INSR: variants seen among roughly 807,000 people sequenced by gnomAD.
INSR encodes the protein IR.
A neutral mutation model predicts 142.6 loss-of-function variants in INSR; 67 were observed. That is an observed-to-expected ratio of 0.47 (90% CI 0.39 to 0.58). The LOEUF (loss-of-function observed/expected upper bound fraction) is 0.58. Among genes scored for constraint, INSR ranks in the 20% least tolerant of loss-of-function variants. The pLI, the probability that INSR is intolerant of heterozygous loss-of-function variation, is 0.00. For synonymous variants in INSR, 756 were observed against 743.1 expected, an observed-to-expected ratio of 1.02 and a Z score of -0.28; for missense variants, 1,248 against 1,833.2, an observed-to-expected ratio of 0.68 and a Z score of 5.83.
chr19:7,293,865 C>G lies in INSR; in HGVS notation c.27G>C (p.Ala9=). MATGGRRG[A]AAAPLLVAVA... ...CCGCCACCAGCAGCGGCGCGGCCGC[C>G]GCCCCCCGCCGGCCCCCGGTGGCCA... The change falls in exon 1 of 22, where the codon GCG becomes GCC. Residue 9 remains alanine (A), a synonymous_variant. Coordinates refer to ENST00000302850, the MANE Select transcript of INSR (RefSeq NM_000208.4). 8.1e-7 allele frequency: 1 copy of G among 1,241,092 alleles called. No individual in the cohort carries two copies. Among genetic ancestry groups the G allele is most frequent in the Non-Finnish European group, 1.0e-6 (1 of 998,862 alleles). The allele number at this position is 1,241,092 out of a possible 1,614,324, so 76.9% of individuals were successfully genotyped here. A position where few individuals can be genotyped will look rare whatever the true frequency, so the allele number is the denominator to read the frequency against.
chr19:7,256,931 C>CTTTTTTTTTTTTTTTTTTTTTTTT (rs772500676), intron 2 of INSR, among the ~76,000 whole-genome samples: 1 of 109,462 alleles, frequency 9.1e-6, no homozygotes, highest in Non-Finnish European at 1.8e-5. Flanking sequence ...TCTACCCTAC[C>CTTTTTTTTTTTTTTTTTTTTTTTT]TTTTTTTTTT....
At chr19:7,279,447 G>A (rs1324807713) in intron 1 of INSR, among the ~76,000 whole-genome samples, 1 of 150,964 alleles carries the variant, frequency 6.6e-6, no homozygotes, top group Non-Finnish European at 1.5e-5. Flanking sequence ...TGGAAGAGAA[G>A]AGGGAGAAGA....
intron 2 of INSR, among the ~76,000 whole-genome samples, chr19:7,250,484 AGAAG>A (rs1362141498): frequency 1.4e-4 from 19 of 139,050 alleles, no homozygotes; most frequent in Admixed American, 1.3e-3. Context: ...GAAAAGAAAG[AGAAG>A]GAAGGAAGGA....
chr19:7,158,226 C>T (rs1040444216), intron 9 of INSR, among the ~76,000 whole-genome samples: 5 of 151,846 alleles, frequency 3.3e-5, no homozygotes, highest in Admixed American at 1.3e-4. Flanking sequence ...ATGGGCCAGG[C>T]GCGGTGACTC....
At chr19:7,118,568 C>T (rs887005923) in intron 21 of INSR, among the ~76,000 whole-genome samples, 3 of 151,936 alleles carry the variant, frequency 2.0e-5, no homozygotes, top group East Asian at 3.9e-4. Context: ...TCGTTCACCT[C>T]GGTCTCCCAA....
At chr19:7,133,451 T>C (rs1329956391) in intron 13 of INSR, among the ~76,000 whole-genome samples, 2 of 152,242 alleles carry the variant, frequency 1.3e-5, no homozygotes, top group African/African-American at 2.4e-5. Flanking sequence ...ATATGTGTTA[T>C]TAGCTATAGT....
At chr19:7,250,332 GAA>G (rs1477809686) in intron 2 of INSR, among the ~76,000 whole-genome samples, 1 of 147,386 alleles carries the variant, frequency 6.8e-6, no homozygotes, top group East Asian at 2.0e-4. Context: ...GGAAGAGAGA[GAA>G]AAAGAAAGAG....
chr19:7,230,455 G>A (rs184886003), intron 2 of INSR, among the ~76,000 whole-genome samples: 75 of 152,258 alleles, frequency 4.9e-4, no homozygotes, highest in African/African-American at 1.5e-3. Context: ...TCACTGAGGC[G>A]ATGACAGGAT....
At chr19:7,240,825 A>AGGCTATGT (rs1976316956) in intron 2 of INSR, among the ~76,000 whole-genome samples, 2 of 152,338 alleles carry the variant, frequency 1.3e-5, no homozygotes, top group South Asian at 4.1e-4. Flanking sequence ...AATTACCTCC[A>AGGCTATGT]GGCTATGTGT....
At chr19:7,226,140 C>T (rs1455184093) in intron 2 of INSR, among the ~76,000 whole-genome samples, 8 of 152,160 alleles carry the variant, frequency 5.3e-5, no homozygotes, top group Non-Finnish European at 1.0e-4. Flanking sequence ...TAGTGTGGTG[C>T]CTCACGCCTG....
intron 2 of INSR, among the ~76,000 whole-genome samples, chr19:7,212,071 T>C (rs962498474): frequency 1.3e-5 from 2 of 152,062 alleles, no homozygotes; most frequent in East Asian, 1.9e-4. Context: ...GTCTTGTACA[T>C]TGCAGGGTGC....
chr19:7,167,543 G>C lies in INSR; in HGVS notation c.1610+425C>G, dbSNP rs75816131. Among the ~76,000 whole-genome samples, 25 of 148,692 alleles carry C rather than the reference G, an allele frequency of 1.7e-4. No homozygotes were observed. The East Asian group carries it at 4.7e-3, about 28-fold the overall frequency. ...GTGAGCCAAGATCTGCCACTGCACT[G>C]TACCCTGGGCAACAGAGCAAGACTC... On this transcript the variant is annotated intron_variant, in intron 7 of 21. Coordinates refer to ENST00000302850, the MANE Select transcript of INSR (RefSeq NM_000208.4).
Position 7,132,225 on chromosome 19 carries a change from G to A in INSR, c.2775C>T (p.Ile925=). The A allele has an allele frequency of 6.2e-7, 1 of 1,614,242 alleles. No individual in the cohort carries two copies. The highest frequency in any genetic ancestry group is 8.5e-7 in the Non-Finnish European group (1 of 1,180,042). The change falls in exon 14 of 22, where the codon ATC becomes ATT. Residue 925 remains isoleucine (I), a synonymous_variant. Transcript: ENST00000302850. ...GLSPGNYSVR[I]RATSLAGNGS... ...CGTTGCCCGCAAGGGAGGTGGCCCG[G>A]ATTCGCACGCTGTAGTTCCCCGGTG...
At chr19:7,153,724 T>A (rs1476393176) in intron 9 of INSR, among the ~76,000 whole-genome samples, 1 of 150,290 alleles carries the variant, frequency 6.7e-6, no homozygotes, top group Non-Finnish European at 1.5e-5. Flanking sequence ...TCTCAAAAGA[T>A]TAAAAATATA....
chr19:7,201,567 G>A (rs1217865705), intron 2 of INSR, among the ~76,000 whole-genome samples: 1 of 151,750 alleles, frequency 6.6e-6, no homozygotes, highest in African/African-American at 2.4e-5. Flanking sequence ...AGAGGTTACA[G>A]TGAGCTGAGA....
At chr19:7,265,840 C>G (rs1027543417) in intron 2 of INSR, among the ~76,000 whole-genome samples, 2 of 152,008 alleles carry the variant, frequency 1.3e-5, no homozygotes, top group African/African-American at 2.4e-5. Context: ...CACTGAAATC[C>G]AGCTCTGAAC....
intron 2 of INSR, among the ~76,000 whole-genome samples, chr19:7,261,539 CT>C (rs1977063696): frequency 1.3e-5 from 2 of 148,996 alleles, no homozygotes; most frequent in African/African-American, 4.9e-5. Context: ...ATTTTTTTTT[CT>C]TTTTTTAAAA....
chr19:7,239,030 C>T (rs907492148), intron 2 of INSR, among the ~76,000 whole-genome samples: 3 of 122,676 alleles, frequency 2.4e-5, no homozygotes, highest in South Asian at 2.7e-4. Flanking sequence ...ATTATTACTA[C>T]AAAAAAAAAA....
At chr19:7,220,228 A>G (rs1490951603) in intron 2 of INSR, among the ~76,000 whole-genome samples, 6 of 152,352 alleles carry the variant, frequency 3.9e-5, no homozygotes, top group African/African-American at 1.4e-4. Context: ...CCTCCTCTCC[A>G]GAGATGAGTA....
Sources: allele counts gnomAD v4.1 joint callset (sites outside exome capture counted in the v4.1 genomes callset), GRCh38; gene constraint gnomAD v4.1.1; transcripts MANE v1.5; gene names NCBI Gene and HGNC (gene_info 2026-07-23, HGNC 2026-07-21).